Variants in ATAD2B observed in about 807,000 individuals in gnomAD.
The protein encoded by ATAD2B is ATPase family AAA domain containing 2B.
In ATAD2B, 40 loss-of-function variants were observed where a neutral mutation model predicts 167.6. The observed-to-expected ratio is 0.24, with a 90% CI of 0.19 to 0.31. The LOEUF is 0.31. Ranked by LOEUF, ATAD2B falls within the 10% of genes least tolerant of loss-of-function variation. The pLI is 1.00. For synonymous variants in ATAD2B, 579 were observed against 596.5 expected (o/e 0.97, Z 0.43); for missense variants, 1,242 against 1,757.2 (o/e 0.71, Z 5.24).
At chr2:23,828,647 C>T (rs539884148) in intron 15 of ATAD2B, among the ~76,000 whole-genome samples, 8 of 152,326 alleles carry the variant, frequency 5.3e-5, no homozygotes, top group South Asian at 2.1e-4. Flanking sequence ...GTTAACTAAA[C>T]ACCTAATGGC....
At chr2:23,852,852 G>C (rs186692708) in intron 13 of ATAD2B, among the ~76,000 whole-genome samples, 3 of 151,842 alleles carry the variant, frequency 2.0e-5, no homozygotes, top group African/African-American at 7.2e-5. Flanking sequence ...CCAGGAGGTG[G>C]AGGTTGCAGT....
intron 16 of ATAD2B, among the ~76,000 whole-genome samples, chr2:23,822,917 CAAAAAAAAAA>C (rs33911389): frequency 1.8e-3 from 120 of 66,316 alleles, no homozygotes; most frequent in African/African-American, 7.2e-3. Context: ...AACTCCATCT[CAAAAAAAAAA>C]AAAAAAAAAA....
chr2:23,884,389 T>C (rs1270329057), intron 6 of ATAD2B, among the ~76,000 whole-genome samples: 1 of 152,058 alleles, frequency 6.6e-6, no homozygotes, highest in Admixed American at 6.6e-5. Flanking sequence ...AAATTTGAGA[T>C]CCACATAATC....
intron 13 of ATAD2B, among the ~76,000 whole-genome samples, chr2:23,837,872 T>C (rs1439759059): frequency 2.0e-5 from 3 of 152,220 alleles, no homozygotes; most frequent in Non-Finnish European, 2.9e-5. Context: ...TCTGCATATT[T>C]TAGAGTAGTT....
At chr2:23,706,759 C>A in the ATAD2B span, 2 of 848,198 alleles carry the variant, frequency 2.4e-6, no homozygotes, top group Non-Finnish European at 3.5e-6. Flanking sequence ...AAGAGGCCAA[C>A]AAAACACAAT....
intron 22 of ATAD2B, among the ~76,000 whole-genome samples, chr2:23,776,136 T>A (rs1679091436): frequency 6.6e-6 from 1 of 151,958 alleles, no homozygotes; most frequent in African/African-American, 2.4e-5. Flanking sequence ...AATAAATAAA[T>A]AAAGTCTGCA....
At chr2:23,761,934 T>C (rs1676793722) in intron 24 of ATAD2B, among the ~76,000 whole-genome samples, 1 of 152,210 alleles carries the variant, frequency 6.6e-6, no homozygotes, top group Admixed American at 6.5e-5. Flanking sequence ...TGGCTCCACA[T>C]GGCTATCCAA....
intron 19 of ATAD2B, among the ~76,000 whole-genome samples, chr2:23,792,603 A>G (rs1681929417): frequency 6.6e-6 from 1 of 152,152 alleles, no homozygotes; most frequent in Admixed American, 6.5e-5. Flanking sequence ...TTAAATAAAA[A>G]TAGAAATAGT....
chr2:23,831,483 T>A (rs1324055278), intron 14 of ATAD2B, among the ~76,000 whole-genome samples: 1 of 152,166 alleles, frequency 6.6e-6, no homozygotes, highest in African/African-American at 2.4e-5. Context: ...ATGACCCAAA[T>A]GGGTCCTTAT....
Position 23,749,857 on chromosome 2 carries a change from C to T in ATAD2B, c.*2189G>A, listed in dbSNP as rs566487577. ...TTAGTAACCTACTAAGAAACATGTG[C>T]ATTTTTTTTTCCTTTCACAAGTGCT... On this transcript the variant is annotated 3_prime_UTR_variant, in exon 28 of 28. Coordinates refer to ENST00000238789, the MANE Select transcript of ATAD2B (RefSeq NM_017552.4). 112 of 151,868 alleles carry T rather than the reference C, an allele frequency of 7.4e-4. No individual in the cohort carries two copies. Among genetic ancestry groups the T allele is most frequent in the African/African-American group, 2.7e-3 (111 of 41,440 alleles). 9.4% of individuals were successfully genotyped at this position (151,868 alleles called of 1,614,324 possible).
At chr2:23,780,272 TG>T (rs1318120330) in intron 22 of ATAD2B, among the ~76,000 whole-genome samples, 106 of 31,724 alleles carry the variant, frequency 3.3e-3, no homozygotes, top group African/African-American at 7.7e-3. Flanking sequence ...TATACTTGTG[TG>T]TGTGTGTGTG....
the ATAD2B span, among the ~76,000 whole-genome samples, chr2:23,740,320 G>A: frequency 2.6e-4 from 39 of 152,172 alleles, no homozygotes; most frequent in East Asian, 5.6e-3. Context: ...CTGGCAAACC[G>A]AATCCAGCAG....
At chr2:23,832,314 C>A in intron 14 of ATAD2B, 1 of 433,560 alleles carries the variant, frequency 2.3e-6, no homozygotes, top group South Asian at 1.7e-5. Context: ...GGCCTTTCCA[C>A]AGACCCAGGC....
chr2:23,864,720 T>A (rs1694895450), intron 11 of ATAD2B, 89 bp downstream of exon 11: 2 of 589,596 alleles, frequency 3.4e-6, no homozygotes, highest in Non-Finnish European at 5.6e-6. Context: ...TAAATATATA[T>A]CAAATATTTA....
intron 13 of ATAD2B, among the ~76,000 whole-genome samples, chr2:23,854,988 A>G (rs1219581698): frequency 6.6e-6 from 1 of 152,196 alleles, no homozygotes; most frequent in African/African-American, 2.4e-5. Flanking sequence ...TGAGGTCAAG[A>G]GTTCGAGACC....
At chr2:23,709,259 C>T in the ATAD2B span, among the ~76,000 whole-genome samples, 1 of 152,118 alleles carries the variant, frequency 6.6e-6, no homozygotes, top group African/African-American at 2.4e-5. Flanking sequence ...TCAGGGTGGT[C>T]TCGAACTCCC....
At chr2:23,855,061 G>T (rs751817423) in intron 13 of ATAD2B, among the ~76,000 whole-genome samples, 5 of 151,982 alleles carry the variant, frequency 3.3e-5, no homozygotes, top group African/African-American at 9.7e-5. Flanking sequence ...GGGCATGGTG[G>T]TGCACACCTG....
At position 23,927,018 on chromosome 2, in the gene ATAD2B, C is replaced by T; in HGVS notation, c.-248G>A. The stretch of plus-strand genomic sequence containing the variant: ...CAGCACAGACACTCCGCCGGCTTCG[C>T]CCTCCTCAGCGGGAGCCGAGCGGAG... On this transcript the variant is annotated 5_prime_UTR_variant, in exon 1 of 28. Transcript: ENST00000238789. 1 of 487,674 alleles carries T rather than the reference C, an allele frequency of 2.1e-6. No homozygotes were observed. The highest frequency in any genetic ancestry group is 3.6e-6 in the Non-Finnish European group (1 of 280,468). 30.2% of individuals were successfully genotyped at this position (487,674 alleles called of 1,614,324 possible). A position where few individuals can be genotyped will look rare whatever the true frequency, so the allele number is the denominator to read the frequency against.
At chr2:23,902,769 A>G (rs1384532702) in intron 1 of ATAD2B, among the ~76,000 whole-genome samples, 2 of 152,192 alleles carry the variant, frequency 1.3e-5, no homozygotes, top group South Asian at 2.1e-4. Context: ...AAAAAGATGG[A>G]TAAGAACTAC....
Sources: allele counts gnomAD v4.1 joint callset (sites outside exome capture counted in the v4.1 genomes callset), GRCh38; gene constraint gnomAD v4.1.1; transcripts MANE v1.5; gene names NCBI Gene and HGNC (gene_info 2026-07-23, HGNC 2026-07-21).